The following KMO variants were observed in gnomAD, a reference collection of about 807,000 sequenced individuals.
The protein encoded by KMO is kynurenine 3-hydroxylase.
In KMO, 24 loss-of-function variants were observed where a neutral mutation model predicts 57.8. That is an observed-to-expected ratio of 0.42 (90% CI 0.30 to 0.58). The LOEUF (loss-of-function observed/expected upper bound fraction) is 0.58, where lower values mean the gene tolerates loss of function less well. KMO is among the 20% of genes least tolerant of loss of function. The probability of loss-of-function intolerance (pLI) is 0.22; values close to 1 mark genes in which losing one functional copy is unlikely to be tolerated. For missense variants in KMO, 483 were observed against 588.2 expected (o/e 0.82, Z 1.85); for synonymous variants, 210 against 193.6 (o/e 1.08, Z -0.70).
intron 5 of KMO, among the ~76,000 whole-genome samples, chr1:241,560,158 C>T (rs1661783033): frequency 1.3e-5 from 2 of 152,322 alleles, no homozygotes; most frequent in East Asian, 3.9e-4. Flanking sequence ...GCTTCTTACT[C>T]ATTTTCCCCC....
intron 5 of KMO, among the ~76,000 whole-genome samples, chr1:241,558,147 A>C (rs1029669974): frequency 1.3e-5 from 2 of 152,230 alleles, no homozygotes; most frequent in African/African-American, 2.4e-5. Flanking sequence ...CATGCTTTTA[A>C]TTATTATGAC....
chr1:241,581,695 A>T (rs1461920717), intron 10 of KMO, among the ~76,000 whole-genome samples: 2 of 152,118 alleles, frequency 1.3e-5, no homozygotes, highest in Non-Finnish European at 2.9e-5. Context: ...GCATTTTGAC[A>T]TTTTGTTGTC....
chr1:241,550,663 A>G (rs1362723030), intron 3 of KMO, among the ~76,000 whole-genome samples: 5 of 152,202 alleles, frequency 3.3e-5, no homozygotes, highest in African/African-American at 9.6e-5. Context: ...CATGATGAGA[A>G]AATCACTTAA....
intron 11 of KMO, among the ~76,000 whole-genome samples, chr1:241,588,329 CTTTTT>C (rs57587351): frequency 3.7e-4 from 36 of 98,386 alleles, no homozygotes; most frequent in Non-Finnish European, 2.8e-4. Context: ...TCTTTTTTTT[CTTTTT>C]TTTTTTTTTT....
At chr1:241,548,492 A>T (rs957752941) in intron 1 of KMO, among the ~76,000 whole-genome samples, 6 of 152,050 alleles carry the variant, frequency 3.9e-5, no homozygotes, top group Non-Finnish European at 8.8e-5. Flanking sequence ...GTTATAAGGG[A>T]TATAAGGCTA....
At position 241,564,989 on chromosome 1, in the gene KMO, T is replaced by G. The variant is rs768534779; in HGVS notation, c.618T>G (p.Tyr206Ter). Residue 206 changes from tyrosine (Y) to a stop codon, truncating the protein, a stop_gained and splice_region_variant, in exon 8 of 15, where the codon TAT (tyrosine) becomes TAG (stop). Coordinates refer to ENST00000366559, the MANE Select transcript of KMO (RefSeq NM_003679.5). LOFTEE classifies it high-confidence loss of function. Reference protein sequence around the residue: ...ELTIPPKNGDYAMEPNYLHIW... With the variant: ...ELTIPPKNGD Reference sequence around the variant, plus strand: ...ATCATATATTCTTTTTTCTGCAGTATGCCATGGAACCTAATTATCTGCATA... The same window carrying G: ...ATCATATATTCTTTTTTCTGCAGTAGGCCATGGAACCTAATTATCTGCATA... The G allele has an allele frequency of 1.0e-5, 16 of 1,596,820 alleles. No homozygotes were observed. The highest frequency in any genetic ancestry group is 1.2e-5 in the Non-Finnish European group (14 of 1,164,724).
chr1:241,565,550 G>T, intron 8 of KMO, among the ~76,000 whole-genome samples: 1 of 102,598 alleles, frequency 9.7e-6, no homozygotes. Flanking sequence ...GCAAGACCTT[G>T]CCTCTACTAA....
At chr1:241,590,183 A>G in intron 13 of KMO, 21 bp from the exon 14 acceptor site, 1 of 1,611,086 alleles carries the variant, frequency 6.2e-7, no homozygotes, top group Non-Finnish European at 8.5e-7. Context: ...ACACAAGAAT[A>G]CTTTTTAAAC....
chr1:241,572,389 T>A (rs1213331940), intron 10 of KMO, among the ~76,000 whole-genome samples: 3 of 152,130 alleles, frequency 2.0e-5, no homozygotes, highest in African/African-American at 7.2e-5. Context: ...TAATAGTCTC[T>A]AATGATCCTT....
intron 11 of KMO, among the ~76,000 whole-genome samples, chr1:241,588,540 A>G (rs926300424): frequency 3.3e-5 from 5 of 151,972 alleles, no homozygotes; most frequent in South Asian, 2.1e-4. Context: ...AATATAGATT[A>G]ATTTTGTTGT....
chr1:241,591,612 A>T (rs1663304694), intron 14 of KMO, among the ~76,000 whole-genome samples: 1 of 152,114 alleles, frequency 6.6e-6, no homozygotes, highest in Non-Finnish European at 1.5e-5. Context: ...GGAATGAATG[A>T]TGTGTGGCCC....
rs191664639 is a variant in KMO at position 241,581,925 on chromosome 1, T to C, written c.958-4754T>C. 1.1e-4 allele frequency among the ~76,000 whole-genome samples: 16 copies of C among 152,298 alleles called. No individual in the cohort carries two copies. In the East Asian group the frequency reaches 3.1e-3, roughly 29 times the overall value. ...ACATCCTTTTCTTTCATATTGAAGA[T>C]CTCCCTTGAGTATTTCTTGTAAGAC... On this transcript the variant is annotated intron_variant, in intron 10 of 14. Coordinates refer to ENST00000366559, the MANE Select transcript of KMO (RefSeq NM_003679.5).
intron 6 of KMO, among the ~76,000 whole-genome samples, chr1:241,561,404 T>C (rs1015357865): frequency 6.6e-6 from 1 of 152,204 alleles, no homozygotes; most frequent in Non-Finnish European, 1.5e-5. Context: ...GAATCATTCA[T>C]GATGTGTTCT....
At chr1:241,556,300 A>T (rs1360250677) in intron 5 of KMO, among the ~76,000 whole-genome samples, 1 of 151,650 alleles carries the variant, frequency 6.6e-6, no homozygotes, top group Admixed American at 6.6e-5. Context: ...CATACGACCA[A>T]TTTTTTTACA....
intron 1 of KMO, among the ~76,000 whole-genome samples, chr1:241,544,343 C>T (rs1322734670): frequency 6.6e-6 from 1 of 152,186 alleles, no homozygotes; most frequent in Non-Finnish European, 1.5e-5. Flanking sequence ...AATGAACCTC[C>T]TGTGTCTTCA....
intron 10 of KMO, among the ~76,000 whole-genome samples, chr1:241,575,730 A>G (rs201980553): frequency 1.3e-5 from 2 of 152,196 alleles, no homozygotes; most frequent in East Asian, 3.9e-4. Flanking sequence ...GCTGATGAGA[A>G]GAATGTACAT....
In KMO at chr1:241,541,743, C is replaced by G. The variant is rs372226690; in HGVS notation, c.55-7086C>G. On this transcript the variant is annotated intron_variant, in intron 1 of 14. Transcript: ENST00000366559. The stretch of plus-strand genomic sequence containing the variant: ...TATTTACTAACAAAGTATGAAGACA[C>G]TGATGTGCTTATTGCATTGTAAGTA... 2.5e-4 allele frequency among the ~76,000 whole-genome samples: 38 copies of G among 152,288 alleles called. No homozygotes were observed. In the South Asian group the frequency reaches 4.3e-3, roughly 17 times the overall value.
Position 241,548,870 on chromosome 1 carries a change from C to A in KMO, c.96C>A (p.Phe32Leu). 1 of 1,607,572 alleles carries A rather than the reference C, an allele frequency of 6.2e-7. No individual in the cohort carries two copies. Among genetic ancestry groups the A allele is most frequent in the Non-Finnish European group, 8.5e-7 (1 of 1,174,722 alleles). Reference sequence around the variant, plus strand: ...CATGCTTTCTTGCAAAGAGGAATTTCCAGATTGATGTATATGAAGCTAGGG... The same window carrying A: ...CATGCTTTCTTGCAAAGAGGAATTTACAGATTGATGTATATGAAGCTAGGG... ...LQACFLAKRNFQIDVYEARED... is the reference protein window; with the variant it reads ...LQACFLAKRNLQIDVYEARED... Residue 32 changes from phenylalanine to leucine, a missense_variant, in exon 2 of 15, where the codon TTC becomes TTA. By Grantham distance (22) the Phe-to-Leu change is conservative. Transcript: ENST00000366559.
intron 10 of KMO, among the ~76,000 whole-genome samples, chr1:241,578,605 G>A (rs1662625726): frequency 6.6e-6 from 1 of 152,272 alleles, no homozygotes; most frequent in Admixed American, 6.5e-5. Context: ...ATGGAGGGGA[G>A]TGACATAGAC....
Sources: allele counts gnomAD v4.1 joint callset (sites outside exome capture counted in the v4.1 genomes callset), GRCh38; gene constraint gnomAD v4.1.1; transcripts MANE v1.5; gene names NCBI Gene and HGNC (gene_info 2026-07-23, HGNC 2026-07-21).